RGS6: variants seen among roughly 807,000 people sequenced by gnomAD.
The protein encoded by RGS6 is regulator of G-protein signaling 6.
Under a neutral mutation model 78.5 loss-of-function variants are expected in RGS6, and 30 were observed. The ratio of observed to expected loss-of-function variants is 0.38; its 90% CI spans 0.29 to 0.52. RGS6 has a LOEUF of 0.52. RGS6 is among the 20% of genes least tolerant of loss of function. The pLI, the probability that RGS6 is intolerant of heterozygous loss-of-function variation, is 0.85. For missense variants in RGS6, 495 were observed against 609.7 expected, an observed-to-expected ratio of 0.81 and a Z score of 1.98; for synonymous variants, 206 against 206.0, an observed-to-expected ratio of 1.00 and a Z score of 0.00.
Position 72,550,421 on chromosome 14 carries a change from G to A in RGS6, c.1422+10327G>A. Reference sequence around the variant, plus strand: ...CCCTGGCTTTTTTTGTTTGCACTAAGCACCAAGTACATCTGAGCCCCCGTG... The same window carrying A: ...CCCTGGCTTTTTTTGTTTGCACTAAACACCAAGTACATCTGAGCCCCCGTG... On this transcript the variant is annotated intron_variant, in intron 17 of 17. Transcript: ENST00000553525. 2.0e-6 allele frequency: 3 copies of A among 1,514,542 alleles called. No homozygotes were observed. In the East Asian group the frequency reaches 7.4e-5, roughly 37 times the overall value. 93.8% of individuals were successfully genotyped at this position (1,514,542 alleles called of 1,614,324 possible).
chr14:72,484,230 T>G (rs1179546996), intron 12 of RGS6, among the ~76,000 whole-genome samples: 1 of 152,250 alleles, frequency 6.6e-6, no homozygotes, highest in Non-Finnish European at 1.5e-5. Context: ...TTAGTGCATT[T>G]GTACTGTATT....
At chr14:72,378,089 G>T (rs1596450947) in intron 3 of RGS6, among the ~76,000 whole-genome samples, 1 of 152,118 alleles carries the variant, frequency 6.6e-6, no homozygotes, top group African/African-American at 2.4e-5. Context: ...TACACAAAAA[G>T]TAACCTGCTC....
chr14:72,577,620 T>A, the RGS6 span, among the ~76,000 whole-genome samples: 1 of 152,204 alleles, frequency 6.6e-6, no homozygotes. Flanking sequence ...ATGTACGTAA[T>A]GAAAATGCCC....
rs140493063 is a variant in RGS6, at chr14:72,270,875, C to T, written c.85-81220C>T. Reference sequence around the variant, plus strand: ...CTTTTAAAATGTTCTGTTCTGTGCACATATCTCTAGGGGAAGTGCAGAAGA... The same window carrying T: ...CTTTTAAAATGTTCTGTTCTGTGCATATATCTCTAGGGGAAGTGCAGAAGA... On this transcript the variant is annotated intron_variant, in intron 2 of 17. Coordinates refer to ENST00000553525, the MANE Select transcript of RGS6 (RefSeq NM_001204424.2). Among the ~76,000 whole-genome samples, 32 of 152,308 alleles carry T rather than the reference C, an allele frequency of 2.1e-4. 1 individual carries two copies. The highest frequency in any genetic ancestry group is 7.7e-4 in the African/African-American group (32 of 41,566).
chr14:72,091,054 G>A (rs2095252976), intron 2 of RGS6, among the ~76,000 whole-genome samples: 1 of 152,036 alleles, frequency 6.6e-6, no homozygotes, highest in African/African-American at 2.4e-5. Flanking sequence ...AACGTTTATT[G>A]TGCAGTGGGG....
At chr14:72,067,064 A>G (rs999765895) in intron 2 of RGS6, among the ~76,000 whole-genome samples, 1 of 152,138 alleles carries the variant, frequency 6.6e-6, no homozygotes, top group African/African-American at 2.4e-5. Flanking sequence ...TCTATCATTC[A>G]TGGGCATTTG....
At chr14:71,926,541 G>A in the RGS6 span, among the ~76,000 whole-genome samples, 8 of 141,450 alleles carry the variant, frequency 5.7e-5, no homozygotes, top group African/African-American at 2.1e-4. Context: ...CCAAGATAGC[G>A]CCATTGCACT....
At chr14:72,340,264 C>G (rs1181878098) in intron 2 of RGS6, among the ~76,000 whole-genome samples, 1 of 152,132 alleles carries the variant, frequency 6.6e-6, no homozygotes, top group African/African-American at 2.4e-5. Flanking sequence ...CTGGAGCAGT[C>G]TGGGACATCA....
chr14:72,337,373 C>T (rs780732976), intron 2 of RGS6, among the ~76,000 whole-genome samples: 9 of 152,054 alleles, frequency 5.9e-5, no homozygotes, highest in Non-Finnish European at 1.3e-4. Context: ...ATCTGCATCG[C>T]TCCTCTCTAC....
At chr14:72,292,962 C>G (rs1001049812) in intron 2 of RGS6, among the ~76,000 whole-genome samples, 1 of 152,170 alleles carries the variant, frequency 6.6e-6, no homozygotes, top group Non-Finnish European at 1.5e-5. Flanking sequence ...ATGTGAGGCT[C>G]TTTCTCATCC....
chr14:72,335,081 A>G (rs2075790742), intron 2 of RGS6, among the ~76,000 whole-genome samples: 1 of 139,332 alleles, frequency 7.2e-6, no homozygotes, highest in Non-Finnish European at 1.6e-5. Flanking sequence ...GGTCTTCTGC[A>G]CAAGCTCTCT....
At chr14:72,269,942 A>C (rs912079127) in intron 2 of RGS6, among the ~76,000 whole-genome samples, 2 of 152,172 alleles carry the variant, frequency 1.3e-5, no homozygotes, top group Non-Finnish European at 2.9e-5. Context: ...AGAGGATAAA[A>C]AGTTAAAAAT....
chr14:71,888,271 T>C, the RGS6 span, among the ~76,000 whole-genome samples: 2 of 150,856 alleles, frequency 1.3e-5, no homozygotes, highest in Non-Finnish European at 3.0e-5. Flanking sequence ...ACAAACAAAA[T>C]ACAAAAATTA....
intron 2 of RGS6, among the ~76,000 whole-genome samples, chr14:72,276,409 A>G (rs1265996115): frequency 6.6e-6 from 1 of 152,250 alleles, no homozygotes; most frequent in Non-Finnish European, 1.5e-5. Context: ...ATATACATGC[A>G]GCACATAGAT....
At chr14:72,267,849 C>T (rs996165935) in intron 2 of RGS6, among the ~76,000 whole-genome samples, 5 of 152,192 alleles carry the variant, frequency 3.3e-5, no homozygotes, top group African/African-American at 4.8e-5. Context: ...TTTTTGTCCT[C>T]ACAGCCAATT....
intron 3 of RGS6, among the ~76,000 whole-genome samples, chr14:72,447,673 G>A (rs1158315947): frequency 6.6e-6 from 1 of 152,136 alleles, no homozygotes; most frequent in Admixed American, 6.5e-5. Flanking sequence ...ACCCCTCACA[G>A]TCAAGATGAT....
At chr14:71,984,875 G>A (rs914980400) in intron 2 of RGS6, among the ~76,000 whole-genome samples, 3 of 151,968 alleles carry the variant, frequency 2.0e-5, no homozygotes, top group African/African-American at 7.3e-5. Flanking sequence ...CATTTAAAAA[G>A]TAATAATTCA....
chr14:72,228,646 T>C (rs1217000414), intron 2 of RGS6, among the ~76,000 whole-genome samples: 1 of 152,118 alleles, frequency 6.6e-6, no homozygotes, highest in Non-Finnish European at 1.5e-5. Flanking sequence ...GTAGCAATAG[T>C]AGTGTGGGAC....
At chr14:72,453,964 G>A (rs1439706989) in intron 3 of RGS6, among the ~76,000 whole-genome samples, 3 of 152,210 alleles carry the variant, frequency 2.0e-5, no homozygotes, top group Admixed American at 1.3e-4. Flanking sequence ...TATTCTATTG[G>A]CAGAACTCAG....
Sources: gnomAD v4.1 joint callset for allele counts (sites outside exome capture counted in the v4.1 genomes callset) on GRCh38, gnomAD v4.1.1 for gene constraint, MANE v1.5 for transcripts, NCBI Gene and HGNC (gene_info 2026-07-23, HGNC 2026-07-21) for gene names.